The following CSMD1 variants were observed in gnomAD, a reference collection of about 807,000 sequenced individuals.
The protein encoded by CSMD1 is CUB and sushi domain-containing protein 1.
In CSMD1, 213 loss-of-function variants were observed where a neutral mutation model predicts 417.5. That is an observed-to-expected ratio of 0.51 (90% CI 0.46 to 0.57). CSMD1 has a LOEUF of 0.57. CSMD1 is among the 20% of genes least tolerant of loss of function. The probability of loss-of-function intolerance (pLI) is 0.00; values close to 1 mark genes in which losing one functional copy is unlikely to be tolerated. For missense variants in CSMD1, 6,923 were observed against 4,529.7 expected, an observed-to-expected ratio of 1.53 and a Z score of -15.17; for synonymous variants, 2,862 against 1,736.8, an observed-to-expected ratio of 1.65 and a Z score of -16.11.
At chr8:3,332,069 G>C (rs1432638029) in intron 23 of CSMD1, among the ~76,000 whole-genome samples, 1 of 151,926 alleles carries the variant, frequency 6.6e-6, no homozygotes, top group Non-Finnish European at 1.5e-5. Context: ...ATCAATAGAT[G>C]ATCAATTAAT....
chr8:3,782,132 C>T (rs534640945), intron 5 of CSMD1, among the ~76,000 whole-genome samples: 1 of 152,070 alleles, frequency 6.6e-6, no homozygotes, highest in Admixed American at 6.5e-5. Flanking sequence ...CATATAATTT[C>T]TTTTTTTCTC....
At chr8:4,985,920 C>A (rs189009781) in intron 1 of CSMD1, among the ~76,000 whole-genome samples, 1 of 152,068 alleles carries the variant, frequency 6.6e-6, no homozygotes, top group African/African-American at 2.4e-5. Context: ...ATTTGGAGTG[C>A]GCAGAAATTG....
chr8:4,238,459 G>A (rs1046712100), intron 3 of CSMD1, among the ~76,000 whole-genome samples: 2 of 152,150 alleles, frequency 1.3e-5, no homozygotes, highest in African/African-American at 4.8e-5. Context: ...GGACAAAGAT[G>A]GGAGCACACT....
chr8:3,888,469 T>C (rs1806717596), intron 5 of CSMD1, among the ~76,000 whole-genome samples: 1 of 152,176 alleles, frequency 6.6e-6, no homozygotes, highest in Non-Finnish European at 1.5e-5. Context: ...AGAAGCGCCA[T>C]TTAGGAGATG....
At chr8:3,648,065 G>C (rs1438978854) in intron 7 of CSMD1, among the ~76,000 whole-genome samples, 1 of 152,230 alleles carries the variant, frequency 6.6e-6, no homozygotes. Context: ...GGAGATGGAG[G>C]ACAGATGGAT....
intron 3 of CSMD1, among the ~76,000 whole-genome samples, chr8:4,067,090 T>C (rs967897821): frequency 1.3e-5 from 2 of 152,190 alleles, no homozygotes; most frequent in Non-Finnish European, 2.9e-5. Context: ...CAGAGAAGGG[T>C]ACAAGGCTCT....
chr8:4,712,502 A>G (rs531448360), intron 1 of CSMD1, among the ~76,000 whole-genome samples: 3 of 152,212 alleles, frequency 2.0e-5, no homozygotes. Context: ...TGCTTGCAGG[A>G]AAATTTCCCT....
intron 28 of CSMD1, among the ~76,000 whole-genome samples, chr8:3,222,394 C>T (rs967148265): frequency 1.1e-4 from 17 of 152,010 alleles, no homozygotes; most frequent in African/African-American, 4.1e-4. Context: ...ATTGCAGCCT[C>T]CACCTCCTGG....
intron 3 of CSMD1, among the ~76,000 whole-genome samples, chr8:4,077,362 A>G (rs956826684): frequency 2.7e-5 from 4 of 145,912 alleles, no homozygotes; most frequent in Non-Finnish European, 5.9e-5. Flanking sequence ...ATTTTTTATC[A>G]GAGGTATCTT....
At chr8:4,477,975 T>C (rs1800892922) in intron 2 of CSMD1, among the ~76,000 whole-genome samples, 1 of 152,246 alleles carries the variant, frequency 6.6e-6, no homozygotes, top group Non-Finnish European at 1.5e-5. Flanking sequence ...CATCCATTTC[T>C]ATCCATGCAG....
intron 2 of CSMD1, among the ~76,000 whole-genome samples, chr8:4,634,517 T>C (rs1158390551): frequency 2.0e-5 from 3 of 152,198 alleles, no homozygotes; most frequent in African/African-American, 7.2e-5. Context: ...TGTGCAACAA[T>C]AAAACAACAA....
intron 20 of CSMD1, among the ~76,000 whole-genome samples, chr8:3,366,806 A>C (rs1585059650): frequency 6.6e-6 from 1 of 152,202 alleles, no homozygotes; most frequent in Admixed American, 6.5e-5. Flanking sequence ...GAATTCACAA[A>C]TTGTGTAACA....
Position 3,640,366 on chromosome 8 carries a change from A to T in CSMD1, c.1010-23569T>A, listed in dbSNP as rs917878387. 5.9e-5 allele frequency among the ~76,000 whole-genome samples: 9 copies of T among 152,354 alleles called. 1 individual carries two copies. The East Asian group carries it at 1.7e-3, about 29-fold the overall frequency. ...TATCCATTTGTAGTTTATTGAAGGC[A>T]TTGTCAAATATTCAATTATATCTTC... On this transcript the variant is annotated intron_variant, in intron 7 of 69. Transcript: ENST00000635120.
intron 2 of CSMD1, among the ~76,000 whole-genome samples, chr8:4,559,095 G>T (rs1386233141): frequency 1.3e-5 from 2 of 152,116 alleles, no homozygotes; most frequent in African/African-American, 4.8e-5. Context: ...CTCTGCTGCT[G>T]CATGTTTATA....
At chr8:3,297,137 C>A (rs1204574633) in intron 25 of CSMD1, among the ~76,000 whole-genome samples, 3 of 152,064 alleles carry the variant, frequency 2.0e-5, no homozygotes, top group African/African-American at 7.2e-5. Flanking sequence ...AGGACTTTCA[C>A]CCAGAAAACT....
At chr8:4,336,608 C>G (rs951242724) in intron 3 of CSMD1, among the ~76,000 whole-genome samples, 39 of 152,282 alleles carry the variant, frequency 2.6e-4, no homozygotes, top group African/African-American at 9.1e-4. Context: ...ACACAAAGTG[C>G]ATTTGTTGTG....
At chr8:3,439,530 G>T (rs1229291368) in intron 12 of CSMD1, among the ~76,000 whole-genome samples, 1 of 144,820 alleles carries the variant, frequency 6.9e-6, no homozygotes, top group Non-Finnish European at 1.5e-5. Flanking sequence ...TGTAATTGTA[G>T]AGTCTTAAGA....
At chr8:3,814,708 G>C (rs1333391249) in intron 5 of CSMD1, among the ~76,000 whole-genome samples, 1 of 152,140 alleles carries the variant, frequency 6.6e-6, no homozygotes, top group Non-Finnish European at 1.5e-5. Context: ...GGTGATCGCT[G>C]ATTCTGAAGT....
intron 33 of CSMD1, among the ~76,000 whole-genome samples, chr8:3,190,627 A>T (rs1318743174): frequency 6.6e-6 from 1 of 152,118 alleles, no homozygotes; most frequent in African/African-American, 2.4e-5. Flanking sequence ...CAGCAATCCC[A>T]CTCGTGTATA....
Sources: gnomAD v4.1 joint callset for allele counts (sites outside exome capture counted in the v4.1 genomes callset) on GRCh38, gnomAD v4.1.1 for gene constraint, MANE v1.5 for transcripts, NCBI Gene and HGNC (gene_info 2026-07-23, HGNC 2026-07-21) for gene names.